The following SQSTM1 variants were observed in gnomAD, a reference collection of about 807,000 sequenced individuals.
SQSTM1 encodes sequestosome-1.
A neutral mutation model predicts 45.1 loss-of-function variants in SQSTM1; 36 were observed. That is an observed-to-expected ratio of 0.80 (90% CI 0.61 to 1.05). The LOEUF is 1.05. Ranked by LOEUF, SQSTM1 falls within the 50% of genes least tolerant of loss-of-function variation. SQSTM1 has a pLI of 0.00. For synonymous variants in SQSTM1, 290 were observed against 244.3 expected (o/e 1.19, Z -1.74); for missense variants, 617 against 607.1 (o/e 1.02, Z -0.17).
At chr5:179,826,678 G>A (rs1758003265) in intron 5 of SQSTM1, among the ~76,000 whole-genome samples, 1 of 149,132 alleles carries the variant, frequency 6.7e-6, no homozygotes, top group Non-Finnish European at 1.5e-5. Context: ...TCGGCTCACT[G>A]CAACCTCTGC....
Position 179,806,992 on chromosome 5 carries a change from C to G in SQSTM1, c.-157+401C>G, listed in dbSNP as rs1208813347. On this transcript the variant is annotated intron_variant, in intron 1 of 5. Transcript: ENST00000514093. The surrounding 1 kb of genome is among the most constrained non-coding windows in gnomAD (Gnocchi z 4.6). Reference sequence around the variant, plus strand: ...CCGCCGCGGAGTCGACGGCGCAGGGCGGGGCGGCCCGGATTTAAAGGGGCC... The same window carrying G: ...CCGCCGCGGAGTCGACGGCGCAGGGGGGGGCGGCCCGGATTTAAAGGGGCC... The G allele has an allele frequency of 6.8e-6, 1 of 146,036 alleles. No homozygotes were observed. The highest frequency in any genetic ancestry group is 2.3e-4 in the East Asian group (1 of 4,438). The allele number at this position is 146,036 out of a possible 1,614,324, so 9.0% of individuals were successfully genotyped here. A position where few individuals can be genotyped will look rare whatever the true frequency, so the allele number is the denominator to read the frequency against.
chr5:179,822,722 C>T (rs1757829172), intron 1 of SQSTM1: 1 of 579,890 alleles, frequency 1.7e-6, no homozygotes, highest in Non-Finnish European at 3.2e-6. Context: ...GTGCACAGGC[C>T]CTCCGCCCCC....
intron 5 of SQSTM1, among the ~76,000 whole-genome samples, chr5:179,826,008 G>C (rs1170914679): frequency 1.3e-5 from 2 of 152,158 alleles, no homozygotes; most frequent in Non-Finnish European, 2.9e-5. Context: ...GAGTGAGCTT[G>C]TTTTTGTGAC....
chr5:179,834,179 T>G (rs1758388586), intron 7 of SQSTM1, among the ~76,000 whole-genome samples: 1 of 122,456 alleles, frequency 8.2e-6, no homozygotes, highest in Non-Finnish European at 1.6e-5. Flanking sequence ...ATAGCCAAGA[T>G]CCCTGTAGGA....
At chr5:179,823,681 C>A in intron 2 of SQSTM1, 177 bp from the exon 3 acceptor site, 1 of 652,296 alleles carries the variant, frequency 1.5e-6, no homozygotes, top group Non-Finnish European at 2.6e-6. Context: ...GACTGGGAAC[C>A]TCCTAGCAGG....
rs1036142912 is a variant in SQSTM1, at chr5:179,821,429, G to A, written c.205+288G>A. On this transcript the variant is annotated intron_variant, in intron 1 of 7. Transcript: ENST00000389805. ...CGAGCCTGGGGGCGTCAGACGCCCC[G>A]CTCCACCCCCCGCGCTGTTGGGGAT... 11 of 618,132 alleles carry A rather than the reference G, an allele frequency of 1.8e-5. No individual in the cohort carries two copies. In the African/African-American group the frequency reaches 1.9e-4, roughly 11 times the overall value. The allele number at this position is 618,132 out of a possible 1,614,324, so 38.3% of individuals were successfully genotyped here.
At chr5:179,810,017 C>T (rs1387193546) in intron 1 of SQSTM1, among the ~76,000 whole-genome samples, 1 of 152,180 alleles carries the variant, frequency 6.6e-6, no homozygotes, top group Non-Finnish European at 1.5e-5. Flanking sequence ...CTCCTGACCT[C>T]AGGTGATCTG....
At chr5:179,814,936 T>C (rs1399090984), upstream of SQSTM1, among the ~76,000 whole-genome samples, 1 of 152,146 alleles carries the variant, frequency 6.6e-6, no homozygotes, top group Non-Finnish European at 1.5e-5. Context: ...AATTAAAATA[T>C]TTAGAATGTT....
intron 5 of SQSTM1, among the ~76,000 whole-genome samples, chr5:179,826,682 C>A (rs1361788156): frequency 6.7e-6 from 1 of 150,144 alleles, no homozygotes; most frequent in Non-Finnish European, 1.5e-5. Flanking sequence ...CTCACTGCAA[C>A]CTCTGCCTTC....
At chr5:179,834,411 GTTTA>G (rs112557653) in intron 7 of SQSTM1, among the ~76,000 whole-genome samples, 11 of 146,186 alleles carry the variant, frequency 7.5e-5, no homozygotes, top group South Asian at 6.3e-4. Context: ...TCTTATTTTT[GTTTA>G]TTTATTTATT....
intron 4 of SQSTM1, among the ~76,000 whole-genome samples, 184 bp from the exon 5 acceptor site, chr5:179,824,962 C>T (rs1331372216): frequency 1.3e-5 from 2 of 151,490 alleles, no homozygotes; most frequent in Non-Finnish European, 2.9e-5. Flanking sequence ...GAGATGCTCT[C>T]TGTGCAGGGC....
chr5:179,820,688 C>T (rs1406759125), upstream of SQSTM1: 1 of 431,726 alleles, frequency 2.3e-6, no homozygotes, highest in Non-Finnish European at 4.1e-6. Flanking sequence ...CTTGGTGCAC[C>T]GGGGCAATGA....
rs1353365075 is a variant in SQSTM1, at chr5:179,821,009, T to C, written c.73T>C (p.Phe25Leu). ...DAAREIRRFS[F>L]CCSPEPEAEA... is the part of the protein sequence containing the mutation. ...GGCGCGCGAGATTCGCCGCTTCAGC[T>C]TCTGCTGCAGCCCCGAGCCTGAGGC... The change falls in exon 1 of 8, where the codon TTC (phenylalanine) becomes CTC (leucine). Residue 25 changes from phenylalanine (F) to leucine (L), a missense_variant. Phe to Leu is a conservative substitution (Grantham distance 22). Coordinates refer to ENST00000389805, the MANE Select transcript of SQSTM1 (RefSeq NM_003900.5). 1.9e-6 allele frequency: 3 copies of C among 1,573,314 alleles called. No homozygotes were observed. The highest frequency in any genetic ancestry group is 2.6e-6 in the Non-Finnish European group (3 of 1,169,178).
At chr5:179,835,461 AT>A in intron 7 of SQSTM1, 1 of 156,948 alleles carries the variant, frequency 6.4e-6, no homozygotes. Flanking sequence ...AGGCTGGCGG[AT>A]CACTCGTGGT....
Position 179,823,049 on chromosome 5 carries a change from T to C in SQSTM1, c.297T>C (p.Ile99=). The C allele has an allele frequency of 6.2e-7, 1 of 1,613,862 alleles. No individual in the cohort carries two copies. Among genetic ancestry groups the C allele is most frequent in the East Asian group, 2.2e-5 (1 of 44,860 alleles). ...YVKDDIFRIY[I]KEKKECRRDH... ...AGGATGACATCTTCCGAATCTACATTAAAGGTAAGGGGCTGCTCTGGGGGC... is the reference window on the plus strand; with the variant it reads ...AGGATGACATCTTCCGAATCTACATCAAAGGTAAGGGGCTGCTCTGGGGGC... Residue 99 remains isoleucine, a synonymous_variant, in exon 2 of 8, where the codon ATT becomes ATC. Transcript: ENST00000389805.
intron 5 of SQSTM1, among the ~76,000 whole-genome samples, chr5:179,831,413 G>A (rs1227160499): frequency 1.3e-5 from 2 of 152,188 alleles, no homozygotes; most frequent in East Asian, 1.9e-4. Flanking sequence ...TGTAATCCAA[G>A]CACTTTGGGA....
At position 179,836,717 on chromosome 5, in the gene SQSTM1, T is replaced by TGCAAGAAGCCATTTAGGGC; in HGVS notation, c.*125_*143dup. ...CTTCTTCCAGGATCAGGGGTTAGGG[T>TGCAAGAAGCCATTTAGGGC]GCAAGAAGCCATTTAGGGCAGCAAA... On this transcript the variant is annotated 3_prime_UTR_variant, in exon 8 of 8. Transcript: ENST00000389805. 1 of 1,463,560 alleles carries TGCAAGAAGCCATTTAGGGC rather than the reference T, an allele frequency of 6.8e-7. No homozygotes were observed. Among genetic ancestry groups the TGCAAGAAGCCATTTAGGGC allele is most frequent in the East Asian group, 2.3e-5 (1 of 44,156 alleles). 90.7% of individuals were successfully genotyped at this position (1,463,560 alleles called of 1,614,324 possible).
upstream of SQSTM1, among the ~76,000 whole-genome samples, chr5:179,817,180 G>A (rs749430724): frequency 2.2e-4 from 33 of 152,206 alleles, no homozygotes; most frequent in Non-Finnish European, 4.6e-4. Flanking sequence ...CCCCACGGGC[G>A]GCCCGCGCCC....
chr5:179,836,372 A>ATG (rs1758554460), intron 7 of SQSTM1, 64 bp from the exon 8 acceptor site: 1 of 1,609,326 alleles, frequency 6.2e-7, no homozygotes, highest in Non-Finnish European at 8.5e-7. Context: ...GCAGCAGGGT[A>ATG]TGTGTTTCGG....
Sources: allele counts gnomAD v4.1 joint callset (sites outside exome capture counted in the v4.1 genomes callset), GRCh38; gene constraint gnomAD v4.1.1; non-coding constraint Gnocchi (gnomAD v3.1); transcripts MANE v1.5; gene names NCBI Gene and HGNC (gene_info 2026-07-23, HGNC 2026-07-21).